The following MOV10L1 variants were observed in gnomAD, a reference collection of about 807,000 sequenced individuals.
The protein encoded by MOV10L1 is Mov10 like RNA helicase 1.
MOV10L1 carries 110 observed loss-of-function variants against 143.8 expected under a neutral mutation model. That is an observed-to-expected ratio of 0.76 (90% CI 0.66 to 0.90). The LOEUF (loss-of-function observed/expected upper bound fraction) is 0.90, where lower values mean the gene tolerates loss of function less well. Among genes scored for constraint, MOV10L1 ranks in the 40% least tolerant of loss-of-function variants. The probability of loss-of-function intolerance (pLI) is 0.00; values close to 1 mark genes in which losing one functional copy is unlikely to be tolerated. For missense variants in MOV10L1, 1,406 were observed against 1,526.8 expected, an observed-to-expected ratio of 0.92 and a Z score of 1.32; for synonymous variants, 593 against 581.1, an observed-to-expected ratio of 1.02 and a Z score of -0.29.
Position 50,143,146 on chromosome 22 carries a change from C to T in MOV10L1, c.2283C>T (p.Cys761=). The T allele has an allele frequency of 6.2e-7, 1 of 1,614,082 alleles. No individual in the cohort carries two copies. Among genetic ancestry groups the T allele is most frequent in the South Asian group, 1.1e-5 (1 of 91,080 alleles). Reference sequence around the variant, plus strand: ...TTAAAAGGATTCTGAGTGGTGACTGCCGTCCCCTCCCGTATATTCTCTTTG... The same window carrying T: ...TTAAAAGGATTCTGAGTGGTGACTGTCGTCCCCTCCCGTATATTCTCTTTG... ...LAVKRILSGD[C]RPLPYILFGP... The change falls in exon 17 of 27, where the codon TGC becomes TGT. Residue 761 remains cysteine, a synonymous_variant. Transcript: ENST00000262794.
intron 3 of MOV10L1, among the ~76,000 whole-genome samples, chr22:50,099,815 T>C (rs4838827): frequency 3.4e-4 from 51 of 151,916 alleles, no homozygotes; most frequent in Non-Finnish European, 5.4e-4. Flanking sequence ...CCTGTGTCTA[T>C]ATTTGTGATG....
Position 50,161,067 on chromosome 22 carries a change from T to C in MOV10L1, c.3554+12T>C, listed in dbSNP as rs1251470299. On this transcript the variant is annotated intron_variant, in intron 26 of 26. Coordinates refer to ENST00000262794, the MANE Select transcript of MOV10L1 (RefSeq NM_018995.3). ...CAGTCTCTGCAAAAGTGAGCGCTTC[T>C]GCTGTCTTCCTCAAAGACAGGCTGG... The C allele has an allele frequency of 1.2e-6, 2 of 1,612,732 alleles. No homozygotes were observed. Among genetic ancestry groups the C allele is most frequent in the Admixed American group, 3.3e-5 (2 of 60,022 alleles).
In MOV10L1 at chr22:50,115,014, T is replaced by G. The variant is rs912914825; in HGVS notation, c.1127-100T>G. 143 of 1,306,672 alleles carry G rather than the reference T, an allele frequency of 1.1e-4. 3 individuals are homozygous for G. The South Asian group carries it at 1.7e-3, about 16-fold the overall frequency. The allele number at this position is 1,306,672 out of a possible 1,614,324, so 80.9% of individuals were successfully genotyped here. ...CCCGTGTTTTTGTGTGCATCTGTCT[T>G]TGTGTGTGTGAGAGAGTATTCATTT... On this transcript the variant is annotated intron_variant, in intron 7 of 26. Transcript: ENST00000262794.
intron 4 of MOV10L1, 52 bp downstream of exon 4, chr22:50,108,300 A>G (rs553478244): frequency 7.9e-6 from 12 of 1,512,606 alleles, no homozygotes; most frequent in African/African-American, 2.7e-5. Flanking sequence ...ACCTGCCATC[A>G]GGGGTAACTT....
chr22:50,137,720 A>G (rs2062858287), intron 15 of MOV10L1, among the ~76,000 whole-genome samples: 1 of 148,210 alleles, frequency 6.7e-6, no homozygotes, highest in Non-Finnish European at 1.5e-5. Flanking sequence ...ATACATATGT[A>G]TATACACATA....
chr22:50,149,767 G>A (rs978397533), intron 20 of MOV10L1, 53 bp downstream of exon 20: 1 of 1,519,178 alleles, frequency 6.6e-7, no homozygotes. Flanking sequence ...TTCTCCTGAG[G>A]GGATGCAGGC....
chr22:50,127,329 A>G (rs1250190527), intron 12 of MOV10L1, among the ~76,000 whole-genome samples: 1 of 152,248 alleles, frequency 6.6e-6, no homozygotes, highest in African/African-American at 2.4e-5. Flanking sequence ...GGCATCTGAA[A>G]TGACCTTCCG....
intron 18 of MOV10L1, among the ~76,000 whole-genome samples, 191 bp from the exon 19 acceptor site, chr22:50,145,498 G>A (rs1444807505): frequency 6.6e-6 from 1 of 152,192 alleles, no homozygotes. Context: ...GCAGGATTAT[G>A]TGTTATATTT....
At chr22:50,160,381 G>A (rs986804633) in intron 24 of MOV10L1, among the ~76,000 whole-genome samples, 1 of 151,320 alleles carries the variant, frequency 6.6e-6, no homozygotes, top group Admixed American at 6.6e-5. Flanking sequence ...CGAGTAGCTG[G>A]GACTACAGGC....
rs774313159 is a variant in MOV10L1, at chr22:50,144,215, G to A, written c.2477G>A (p.Arg826Gln). 1.4e-5 allele frequency: 22 copies of A among 1,608,678 alleles called. No individual in the cohort carries two copies. Among genetic ancestry groups the A allele is most frequent in the East Asian group, 2.2e-5 (1 of 44,742 alleles). ...GTGCTACAGCCGGCCACCATGGTCC[G>A]GGTGAACGCCACCTGCAGGTTCGAG... The part of the protein sequence containing the change: ...SKVLQPATMV[R>Q]VNATCRFEEI... Residue 826 changes from arginine (R) to glutamine (Q), a missense_variant, in exon 18 of 27, where the codon CGG (arginine) becomes CAG (glutamine). Arg to Gln is a conservative substitution (Grantham distance 43). Around this residue, in one of 3 missense-constraint regions of MOV10L1, gnomAD observed 1,233 missense variants for 1,351.4 expected, o/e 0.91. Coordinates refer to ENST00000262794, the MANE Select transcript of MOV10L1 (RefSeq NM_018995.3).
At chr22:50,126,322 C>A in intron 12 of MOV10L1, 50 bp downstream of exon 12, 2 of 1,430,106 alleles carry the variant, frequency 1.4e-6, no homozygotes, top group South Asian at 1.2e-5. Context: ...CCCTTCTGAC[C>A]GGTTGGAAAG....
intron 2 of MOV10L1, among the ~76,000 whole-genome samples, chr22:50,096,639 A>G (rs2062595879): frequency 6.6e-6 from 1 of 151,756 alleles, no homozygotes; most frequent in African/African-American, 2.4e-5. Flanking sequence ...AACACTTGCT[A>G]TTTTCTTTTT....
intron 12 of MOV10L1, among the ~76,000 whole-genome samples, chr22:50,127,035 A>G (rs2062527026): frequency 6.6e-6 from 1 of 152,156 alleles, no homozygotes; most frequent in African/African-American, 2.4e-5. Context: ...AGATTTTGTA[A>G]TGAATTAGGC....
rs148394255 is a variant in MOV10L1, at chr22:50,114,487, G to A, written c.991G>A (p.Val331Met). The change falls in exon 7 of 27, where the codon GTG becomes ATG. Residue 331 changes from valine to methionine, a missense_variant. Coordinates refer to ENST00000262794, the MANE Select transcript of MOV10L1 (RefSeq NM_018995.3). ...QMLDKDQMCPVVSFVSVPEKE... is the reference protein window; with the variant it reads ...QMLDKDQMCPMVSFVSVPEKE... ...GCTGGATAAAGACCAGATGTGCCCC[G>A]TGGTATCTTTTGTTTCTGTTCCTGA... 1.7e-4 allele frequency: 282 copies of A among 1,614,034 alleles called. No homozygotes were observed. Among genetic ancestry groups the A allele is most frequent in the Non-Finnish European group, 2.2e-4 (263 of 1,180,036 alleles).
chr22:50,144,010 C>T, intron 17 of MOV10L1, 87 bp from the exon 18 acceptor site: 3 of 1,521,814 alleles, frequency 2.0e-6, no homozygotes, highest in East Asian at 2.3e-5. Flanking sequence ...GTCCCTGCAC[C>T]CGAATGTGTG....
chr22:50,137,925 A>G (rs1218874004), intron 15 of MOV10L1, among the ~76,000 whole-genome samples: 2 of 150,958 alleles, frequency 1.3e-5, no homozygotes, highest in Admixed American at 6.6e-5. Flanking sequence ...GTATCTATGT[A>G]TATGACACAT....
intron 15 of MOV10L1, among the ~76,000 whole-genome samples, chr22:50,141,723 G>A (rs1370487272): frequency 2.6e-5 from 4 of 152,126 alleles, no homozygotes; most frequent in African/African-American, 4.8e-5. Flanking sequence ...GCCCTGGGCT[G>A]TACCCTTGAC....
chr22:50,122,793 ATTTAT>A (rs2062386767), intron 10 of MOV10L1, among the ~76,000 whole-genome samples: 2 of 101,022 alleles, frequency 2.0e-5, no homozygotes, highest in Non-Finnish European at 2.4e-5. Context: ...TTATTTATTT[ATTTAT>A]TTTTGAGACA....
chr22:50,153,298 T>C, intron 22 of MOV10L1, 80 bp downstream of exon 22: 1 of 1,428,006 alleles, frequency 7.0e-7, no homozygotes, highest in Admixed American at 1.9e-5. Flanking sequence ...CAGGTGAGGC[T>C]CTGTCACCTG....
Sources: allele counts gnomAD v4.1 joint callset (sites outside exome capture counted in the v4.1 genomes callset), GRCh38; gene constraint gnomAD v4.1.1; regional missense constraint gnomAD v4.1.1; transcripts MANE v1.5; gene names NCBI Gene and HGNC (gene_info 2026-07-23, HGNC 2026-07-21).